Variants in AIDA observed in about 807,000 individuals in gnomAD.
AIDA encodes axin interactor, dorsalization-associated protein.
AIDA carries 18 observed loss-of-function variants against 42.7 expected under a neutral mutation model. The observed-to-expected ratio is 0.42, with a 90% CI of 0.29 to 0.63. The LOEUF (loss-of-function observed/expected upper bound fraction) is 0.63, where lower values mean the gene tolerates loss of function less well. Ranked by LOEUF, AIDA falls within the 20% of genes least tolerant of loss-of-function variation. The pLI, the probability that AIDA is intolerant of heterozygous loss-of-function variation, is 0.19. For synonymous variants in AIDA, 104 were observed against 122.9 expected, an observed-to-expected ratio of 0.85 and a Z score of 1.02; for missense variants, 250 against 354.1, an observed-to-expected ratio of 0.71 and a Z score of 2.36.
rs1481954779 is a variant in AIDA at position 222,670,045 on chromosome 1, AAG to A, written c.825-58_825-57del. 2.5e-6 allele frequency: 4 copies of A among 1,611,448 alleles called. No individual in the cohort carries two copies. In the African/African-American group the frequency reaches 5.3e-5, roughly 22 times the overall value. On this transcript the variant is annotated intron_variant, in intron 9 of 9. Coordinates refer to ENST00000340020, the MANE Select transcript of AIDA (RefSeq NM_022831.4). The stretch of plus-strand genomic sequence containing the variant: ...AAATACATTGATAACTGAACTCTTC[AAG>A]GTTAAATACTGGATATGGGGGATTC...
intron 6 of AIDA, 124 bp downstream of exon 6, chr1:222,686,806 G>T: frequency 8.6e-7 from 1 of 1,161,600 alleles, no homozygotes. Flanking sequence ...AATAAAATTT[G>T]CCTAAGATTG....
At chr1:222,688,075 C>G (rs140213179) in intron 4 of AIDA, among the ~76,000 whole-genome samples, 1 of 152,046 alleles carries the variant, frequency 6.6e-6, no homozygotes, top group African/African-American at 2.4e-5. Context: ...TAAAAATTAG[C>G]CAGGCATGGT....
At chr1:222,697,919 T>C (rs1655567610) in intron 2 of AIDA, among the ~76,000 whole-genome samples, 1 of 152,048 alleles carries the variant, frequency 6.6e-6, no homozygotes, top group Non-Finnish European at 1.5e-5. Flanking sequence ...AACAAGCATA[T>C]AGTGCTGGAA....
intron 2 of AIDA, among the ~76,000 whole-genome samples, chr1:222,699,366 T>G (rs1237131482): frequency 6.6e-6 from 1 of 152,364 alleles, no homozygotes; most frequent in South Asian, 2.1e-4. Context: ...GCTTGCATGC[T>G]AGGCATTTAA....
rs1664368438 is a variant in AIDA at position 222,668,025 on chromosome 1, T to C, written c.*1868A>G. The C allele has an allele frequency of 6.6e-6, 1 of 152,272 alleles. No homozygotes were observed. The highest frequency in any genetic ancestry group is 2.1e-4 in the South Asian group (1 of 4,834). 9.4% of individuals were successfully genotyped at this position (152,272 alleles called of 1,614,324 possible). ...TAATCACACAGTGTTCAATTTAAGC[T>C]TCTTTAATGTTGATGAAAGGTATTT... On this transcript the variant is annotated 3_prime_UTR_variant, in exon 10 of 10. Transcript: ENST00000340020.
intron 7 of AIDA, 37 bp from the exon 8 acceptor site, chr1:222,673,472 A>C (rs778712870): frequency 1.3e-6 from 2 of 1,520,156 alleles, no homozygotes; most frequent in East Asian, 4.7e-5. Flanking sequence ...GGAACATTCA[A>C]ATATACAGAC....
At chr1:222,698,512 T>A (rs1036413448) in intron 2 of AIDA, among the ~76,000 whole-genome samples, 1 of 148,556 alleles carries the variant, frequency 6.7e-6, no homozygotes, top group Non-Finnish European at 1.5e-5. Context: ...GGTGCAGTGG[T>A]GTGATTTCGG....
At chr1:222,676,290 A>C in intron 6 of AIDA, 72 bp from the exon 7 acceptor site, 1 of 1,475,356 alleles carries the variant, frequency 6.8e-7, no homozygotes, top group South Asian at 1.5e-5. Context: ...CACAGAGAAG[A>C]TACAGCCTTG....
At chr1:222,680,524 G>T (rs545144861) in intron 6 of AIDA, among the ~76,000 whole-genome samples, 1 of 152,250 alleles carries the variant, frequency 6.6e-6, no homozygotes, top group African/African-American at 2.4e-5. Context: ...TCAAGCTTCT[G>T]AATCATTTCA....
chr1:222,672,038 A>G (rs1664458182), intron 8 of AIDA, among the ~76,000 whole-genome samples: 1 of 152,236 alleles, frequency 6.6e-6, no homozygotes. Context: ...AAGAAAGAAC[A>G]AAATGTGAAA....
At chr1:222,704,821 T>TA (rs1279028866) in intron 1 of AIDA, among the ~76,000 whole-genome samples, 1 of 151,406 alleles carries the variant, frequency 6.6e-6, no homozygotes, top group Admixed American at 6.6e-5. Context: ...ATCTCAATTT[T>TA]AAAAAAATAT....
Position 222,693,010 on chromosome 1 carries a change from G to A in AIDA, c.289+779C>T, listed in dbSNP as rs143081757. On this transcript the variant is annotated intron_variant, in intron 4 of 9. Transcript: ENST00000340020. ...TTTTCCTTAGAAGTGGCTACTAAGG[G>A]CTGAAGTGAAACAGAGCAAATCATT... 2.3e-4 allele frequency among the ~76,000 whole-genome samples: 35 copies of A among 152,238 alleles called. No homozygotes were observed. The East Asian group carries it at 6.4e-3, about 28-fold the overall frequency.
chr1:222,690,160 G>T (rs188118881), intron 4 of AIDA, among the ~76,000 whole-genome samples: 15 of 152,274 alleles, frequency 9.9e-5, no homozygotes, highest in South Asian at 4.1e-4. Flanking sequence ...ACCTAAGGAT[G>T]TATTTCCTTG....
intron 2 of AIDA, among the ~76,000 whole-genome samples, chr1:222,702,111 A>G (rs1225528785): frequency 6.6e-6 from 1 of 152,222 alleles, no homozygotes; most frequent in Non-Finnish European, 1.5e-5. Context: ...TAGATCCTAA[A>G]TATTTTTAAA....
intron 4 of AIDA, among the ~76,000 whole-genome samples, chr1:222,687,940 A>G (rs1252058317): frequency 6.6e-6 from 1 of 152,170 alleles, no homozygotes; most frequent in African/African-American, 2.4e-5. Flanking sequence ...ACTGAGTCCT[A>G]TCTACAAGTT....
intron 4 of AIDA, 35 bp downstream of exon 4, chr1:222,693,754 A>G (rs1249109327): frequency 2.0e-6 from 3 of 1,520,618 alleles, no homozygotes; most frequent in Non-Finnish European, 2.7e-6. Context: ...ATTTTTCCAA[A>G]GGAGTATCAC....
intron 1 of AIDA, among the ~76,000 whole-genome samples, chr1:222,707,444 C>T (rs1424255096): frequency 6.6e-6 from 1 of 152,152 alleles, no homozygotes; most frequent in Non-Finnish European, 1.5e-5. Context: ...CAGGCGTGAG[C>T]CACCGCACCC....
At chr1:222,694,576 T>G (rs1655461989) in intron 2 of AIDA, among the ~76,000 whole-genome samples, 1 of 152,208 alleles carries the variant, frequency 6.6e-6, no homozygotes, top group African/African-American at 2.4e-5. Flanking sequence ...CTTCACCTTT[T>G]CTTCTCCATA....
rs1664411687 is a variant in AIDA, at chr1:222,669,784, G to A, written c.*109C>T. The A allele has an allele frequency of 4.0e-6, 4 of 988,530 alleles. No individual in the cohort carries two copies. The Admixed American group carries it at 1.0e-4, about 25-fold the overall frequency. The allele number at this position is 988,530 out of a possible 1,614,324, so 61.2% of individuals were successfully genotyped here. ...TGGACTCCGTCCGGCCTACTGGTCT[G>A]GGTACGGCTTGCTTCCTGCCTGTTG... On this transcript the variant is annotated 3_prime_UTR_variant, in exon 10 of 10. Transcript: ENST00000340020.
Sources: allele counts gnomAD v4.1 joint callset (sites outside exome capture counted in the v4.1 genomes callset), GRCh38; gene constraint gnomAD v4.1.1; transcripts MANE v1.5; gene names NCBI Gene and HGNC (gene_info 2026-07-23, HGNC 2026-07-21).